The following SERHL2 variants were observed in gnomAD, a reference collection of about 807,000 sequenced individuals.
The protein encoded by SERHL2 is serine hydrolase-like protein 2.
SERHL2 carries 29 observed loss-of-function variants against 25.5 expected under a neutral mutation model. That is an observed-to-expected ratio of 1.14 (90% CI 0.85 to 1.55). The LOEUF (loss-of-function observed/expected upper bound fraction) is 1.55. Ranked by LOEUF, SERHL2 falls within the 40% of genes most tolerant of loss-of-function variation. SERHL2 has a pLI of 0.00. For missense variants in SERHL2, 240 were observed against 252.3 expected, an observed-to-expected ratio of 0.95 and a Z score of 0.33; for synonymous variants, 95 against 103.5, an observed-to-expected ratio of 0.92 and a Z score of 0.50.
At position 42,567,541 on chromosome 22, in the gene SERHL2, G is replaced by A. The variant is rs1000940876; in HGVS notation, c.648+1203G>A. The stretch of plus-strand genomic sequence containing the variant: ...TAGCCGGGCGCGGTGGCAGGCGCCT[G>A]TAGTCCCAGCTACTCGGGAGGCTGA... On this transcript the variant is annotated intron_variant, in intron 9 of 11. Transcript: ENST00000327678. 1.2e-4 allele frequency among the ~76,000 whole-genome samples: 18 copies of A among 151,476 alleles called. 1 individual carries two copies. Among genetic ancestry groups the A allele is most frequent in the Non-Finnish European group, 1.8e-4 (12 of 67,784 alleles).
chr22:42,571,828 C>A (rs1924241104), intron 10 of SERHL2: 1 of 154,300 alleles, frequency 6.5e-6, no homozygotes, highest in Admixed American at 6.3e-5. Flanking sequence ...TCAGACACAA[C>A]CGTCTACGTG....
chr22:42,562,212 A>C (rs573947816), intron 8 of SERHL2, among the ~76,000 whole-genome samples: 1 of 151,856 alleles, frequency 6.6e-6, no homozygotes, highest in Admixed American at 6.6e-5. Flanking sequence ...CTCAAGGACA[A>C]TGTAGGTTCC....
At chr22:42,565,666 C>T (rs1923280628) in intron 8 of SERHL2, among the ~76,000 whole-genome samples, 1 of 151,484 alleles carries the variant, frequency 6.6e-6, no homozygotes, top group Admixed American at 6.6e-5. Flanking sequence ...TGGGGTCCTG[C>T]TCCATTGCCC....
intron 8 of SERHL2, among the ~76,000 whole-genome samples, chr22:42,566,077 G>A (rs1923340364): frequency 6.6e-6 from 1 of 152,076 alleles, no homozygotes; most frequent in Non-Finnish European, 1.5e-5. Flanking sequence ...TGGGGTGGCC[G>A]GTGAGGGCCC....
At chr22:42,554,102 G>T in intron 1 of SERHL2, 60 bp downstream of exon 1, 1 of 1,590,908 alleles carries the variant, frequency 6.3e-7, no homozygotes, top group East Asian at 2.3e-5. Context: ...TGGGACAGTA[G>T]AAGAGGGCGG....
chr22:42,573,239 C>G (rs567542594), intron 11 of SERHL2: 1 of 142,914 alleles, frequency 7.0e-6, no homozygotes, highest in South Asian at 2.2e-4. Context: ...GCCTTCCTGT[C>G]TGGCTTTTTT....
chr22:42,563,941 C>T (rs919449430), intron 8 of SERHL2, among the ~76,000 whole-genome samples: 2 of 150,680 alleles, frequency 1.3e-5, no homozygotes, highest in African/African-American at 2.4e-5. Flanking sequence ...GGCGTGATGG[C>T]GCATGCCTGT....
chr22:42,564,597 A>G (rs1480895172), intron 8 of SERHL2, among the ~76,000 whole-genome samples: 2 of 151,068 alleles, frequency 1.3e-5, no homozygotes, highest in Admixed American at 1.3e-4. Context: ...ATGCCTGGCT[A>G]ATTTTTGTAT....
intron 8 of SERHL2, among the ~76,000 whole-genome samples, chr22:42,561,689 C>G (rs1002645634): frequency 6.6e-6 from 1 of 151,780 alleles, no homozygotes; most frequent in Non-Finnish European, 1.5e-5. Context: ...TTTTAGTTGT[C>G]TTGAGTCCAG....
chr22:42,560,127 T>TTA, intron 7 of SERHL2, 59 bp from the exon 8 acceptor site: 1 of 1,364,810 alleles, frequency 7.3e-7, no homozygotes, highest in Non-Finnish European at 1.0e-6. Flanking sequence ...CCTCTCCTTT[T>TTA]TATCTGACCT....
intron 9 of SERHL2, 50 bp downstream of exon 9, chr22:42,566,388 C>CT (rs1923389429): frequency 6.3e-7 from 1 of 1,596,816 alleles, no homozygotes; most frequent in Non-Finnish European, 8.6e-7. Context: ...CTGTTAGCGT[C>CT]TTTGTCGTTT....
At chr22:42,569,282 C>G (rs1160326133) in intron 9 of SERHL2, 1 of 151,374 alleles carries the variant, frequency 6.6e-6, no homozygotes, top group Non-Finnish European at 1.5e-5. Flanking sequence ...ATTTAGAGAC[C>G]AAGTCTTACT....
intron 8 of SERHL2, among the ~76,000 whole-genome samples, chr22:42,562,162 A>G (rs1169922217): frequency 6.6e-6 from 1 of 151,712 alleles, no homozygotes; most frequent in Admixed American, 6.6e-5. Flanking sequence ...GCATTAACCT[A>G]AAAGAAGACA....
At chr22:42,554,549 T>TAA (rs1921998625) in intron 1 of SERHL2, among the ~76,000 whole-genome samples, 1 of 152,170 alleles carries the variant, frequency 6.6e-6, no homozygotes, top group African/African-American at 2.4e-5. Context: ...AACGGGCTGT[T>TAA]TCTTTACTCC....
intron 8 of SERHL2, chr22:42,565,091 C>G (rs1165311481): frequency 6.6e-6 from 1 of 152,510 alleles, no homozygotes; most frequent in Non-Finnish European, 1.5e-5. Context: ...TACAAATGGA[C>G]CTTGAGAGCT....
At chr22:42,554,208 T>C in intron 1 of SERHL2, 166 bp downstream of exon 1, 3 of 858,248 alleles carry the variant, frequency 3.5e-6, no homozygotes, top group African/African-American at 1.7e-5. Flanking sequence ...CGGCCAGGAG[T>C]TGGGGGACCC....
chr22:42,563,484 G>A (rs1369666324), intron 8 of SERHL2: 1 of 415,476 alleles, frequency 2.4e-6, no homozygotes, highest in Admixed American at 2.7e-5. Flanking sequence ...GATTACAGGT[G>A]TGAGTCACCA....
At chr22:42,569,198 T>G (rs968088210) in intron 9 of SERHL2, 1 of 151,420 alleles carries the variant, frequency 6.6e-6, no homozygotes, top group Non-Finnish European at 1.5e-5. Context: ...GCCACGCTAA[T>G]CATCTCTTTG....
chr22:42,572,152 C>T (rs940791279), intron 10 of SERHL2, among the ~76,000 whole-genome samples: 3 of 152,230 alleles, frequency 2.0e-5, no homozygotes, highest in East Asian at 1.9e-4. Flanking sequence ...GTTCAGATCC[C>T]AGCTCTGCTT....
Sources: allele counts gnomAD v4.1 joint callset (sites outside exome capture counted in the v4.1 genomes callset), GRCh38; gene constraint gnomAD v4.1.1; transcripts MANE v1.5; gene names NCBI Gene and HGNC (gene_info 2026-07-23, HGNC 2026-07-21).